NUP160: variants seen among roughly 807,000 people sequenced by gnomAD.
NUP160 encodes the protein nuclear pore complex protein Nup160.
In NUP160, 94 loss-of-function variants were observed where a neutral mutation model predicts 196.9. The ratio of observed to expected loss-of-function variants is 0.48; its 90% CI spans 0.40 to 0.57. The LOEUF (loss-of-function observed/expected upper bound fraction) is 0.57, where lower values mean the gene tolerates loss of function less well. NUP160 is among the 20% of genes least tolerant of loss of function. NUP160 has a pLI of 0.00. For synonymous variants in NUP160, 605 were observed against 619.7 expected, an observed-to-expected ratio of 0.98 and a Z score of 0.35; for missense variants, 1,638 against 1,748.3, an observed-to-expected ratio of 0.94 and a Z score of 1.13.
chr11:47,791,827 A>G, intron 29 of NUP160, 103 bp downstream of exon 29: 1 of 795,708 alleles, frequency 1.3e-6, no homozygotes, highest in African/African-American at 1.8e-5. Flanking sequence ...ATATATTACT[A>G]TTATATGTAG....
At chr11:47,783,737 T>C (rs988998467) in intron 33 of NUP160, among the ~76,000 whole-genome samples, 1 of 152,132 alleles carries the variant, frequency 6.6e-6, no homozygotes, top group Admixed American at 6.6e-5. Context: ...ATTTATTTAT[T>C]TTTTTTGAGA....
chr11:47,815,403 G>C, intron 13 of NUP160, 76 bp downstream of exon 13: 1 of 1,219,972 alleles, frequency 8.2e-7, no homozygotes, highest in Non-Finnish European at 1.1e-6. Context: ...TGAACTTTTT[G>C]TTTTCTGAAG....
exon 21 of NUP160, chr11:47,804,590 G>T (rs762506397): frequency 7.8e-6 from 12 of 1,532,626 alleles, no homozygotes; most frequent in Middle Eastern, 3.4e-4. Flanking sequence ...AAACATTCTA[G>T]AAAGAGACAA....
At chr11:47,816,128 T>C (rs1019223697) in intron 11 of NUP160, 99 bp from the exon 12 acceptor site, 33 of 772,710 alleles carry the variant, frequency 4.3e-5, no homozygotes, top group Non-Finnish European at 6.2e-5. Context: ...AACTATATAA[T>C]AGAGATTTGG....
chr11:47,798,388 C>T lies in NUP160; in HGVS notation c.2971G>A (p.Gly991Ser), dbSNP rs114776609. 4.8e-4 allele frequency: 767 copies of T among 1,610,638 alleles called. 2 individuals carry two copies. In the African/African-American group the frequency reaches 9.6e-3, roughly 20 times the overall value. The change falls in exon 24 of 36, where the codon GGT becomes AGT. Residue 991 changes from glycine to serine, a missense_variant. Transcript: ENST00000378460. ...CTTACCTGACTTTTCCAGTCATCAC[C>T]TGCTTCAGTTATGGCTGATGTAGCC...
At chr11:47,808,707 T>G (rs934580931) in intron 17 of NUP160, among the ~76,000 whole-genome samples, 178 bp from the exon 18 acceptor site, 2 of 151,878 alleles carry the variant, frequency 1.3e-5, no homozygotes, top group African/African-American at 4.8e-5. Context: ...ACATTAACAG[T>G]CAAAAAATAA....
chr11:47,808,594 G>T, intron 17 of NUP160, 65 bp from the exon 18 acceptor site: 3 of 1,342,236 alleles, frequency 2.2e-6, no homozygotes, highest in South Asian at 2.6e-5. Flanking sequence ...AACTCTTACG[G>T]CTCAGGTGGA....
chr11:47,846,035 C>G (rs1158607746), intron 2 of NUP160, among the ~76,000 whole-genome samples: 1 of 151,448 alleles, frequency 6.6e-6, no homozygotes, highest in Non-Finnish European at 1.5e-5. Flanking sequence ...ACTTGGGAGG[C>G]TGAGGTGGGA....
intron 7 of NUP160, among the ~76,000 whole-genome samples, chr11:47,826,010 T>C (rs969338588): frequency 1.2e-4 from 19 of 152,148 alleles, no homozygotes; most frequent in African/African-American, 3.9e-4. Context: ...TTGAGAAACA[T>C]AGTGTATGAA....
At chr11:47,782,182 G>A (rs959223883) in intron 34 of NUP160, among the ~76,000 whole-genome samples, 6 of 150,964 alleles carry the variant, frequency 4.0e-5, no homozygotes, top group Admixed American at 3.3e-4. Flanking sequence ...TACTCAGGAG[G>A]CTGAGGCAGG....
intron 11 of NUP160, among the ~76,000 whole-genome samples, chr11:47,816,775 CAA>C (rs1449451121): frequency 3.4e-5 from 1 of 29,678 alleles, no homozygotes; most frequent in African/African-American, 9.1e-5. Context: ...GACCCTGCCT[CAA>C]AGGGAAAAAA....
intron 35 of NUP160, 134 bp from the exon 36 acceptor site, chr11:47,779,328 C>T (rs2135334625): frequency 1.6e-6 from 1 of 608,894 alleles, no homozygotes; most frequent in Non-Finnish European, 2.9e-6. Flanking sequence ...ATAAAATCAC[C>T]ATTTGTTATA....
intron 29 of NUP160, among the ~76,000 whole-genome samples, chr11:47,789,197 GGGTCTTGCTATGTTGCCCAGGCT>G (rs2097666514): frequency 6.6e-6 from 1 of 152,126 alleles, no homozygotes; most frequent in South Asian, 2.1e-4. Flanking sequence ...TTTTTCTACA[GGGTCTTGCTATGTTGCCCAGGCT>G]GGTCTTGAAC....
chr11:47,797,812 C>G, exon 27 of NUP160: 1 of 1,612,972 alleles, frequency 6.2e-7, no homozygotes, highest in Non-Finnish European at 8.5e-7. Flanking sequence ...ATGTGAAAGG[C>G]ATACAGAAGT....
intron 31 of NUP160, 137 bp downstream of exon 31, chr11:47,788,045 G>T: frequency 3.8e-6 from 3 of 786,802 alleles, no homozygotes; most frequent in Non-Finnish European, 3.9e-6. Context: ...AAGAATGCTT[G>T]GATGGATTAA....
At chr11:47,820,947 T>C (rs1851845846) in intron 9 of NUP160, among the ~76,000 whole-genome samples, 1 of 151,906 alleles carries the variant, frequency 6.6e-6, no homozygotes, top group Non-Finnish European at 1.5e-5. Context: ...CCTCACAAAG[T>C]GCTTGGATTA....
At chr11:47,847,790 G>A in intron 2 of NUP160, 58 bp downstream of exon 2, 3 of 1,268,204 alleles carry the variant, frequency 2.4e-6, no homozygotes, top group Non-Finnish European at 3.5e-6. Flanking sequence ...GTACAGCGAC[G>A]AAAATTTATA....
At chr11:47,789,469 AC>A (rs555558052) in intron 29 of NUP160, among the ~76,000 whole-genome samples, 6 of 152,254 alleles carry the variant, frequency 3.9e-5, no homozygotes, top group Admixed American at 1.3e-4. Flanking sequence ...TAGCAAAAGA[AC>A]TTGATAAAAA....
intron 17 of NUP160, 150 bp from the exon 18 acceptor site, chr11:47,808,679 G>A: frequency 5.9e-6 from 3 of 509,454 alleles, no homozygotes; most frequent in Non-Finnish European, 9.7e-6. Context: ...GGTAGCAAGT[G>A]GCAAAATATC....
Sources: gnomAD v4.1 joint callset for allele counts (sites outside exome capture counted in the v4.1 genomes callset) on GRCh38, gnomAD v4.1.1 for gene constraint, MANE v1.5 for transcripts, NCBI Gene and HGNC (gene_info 2026-07-23, HGNC 2026-07-21) for gene names.